Variants in SLC37A2 observed in about 807,000 individuals in gnomAD.
The protein encoded by SLC37A2 is solute carrier family 37 member 2.
SLC37A2 carries 59 observed loss-of-function variants against 70.7 expected under a neutral mutation model. The ratio of observed to expected loss-of-function variants is 0.83; its 90% CI spans 0.68 to 1.04. The LOEUF is 1.04. SLC37A2 is among the 50% of genes least tolerant of loss of function. The pLI, the probability that SLC37A2 is intolerant of heterozygous loss-of-function variation, is 0.00. For synonymous variants in SLC37A2, 257 were observed against 262.1 expected, an observed-to-expected ratio of 0.98 and a Z score of 0.19; for missense variants, 580 against 658.1, an observed-to-expected ratio of 0.88 and a Z score of 1.30.
intron 1 of SLC37A2, among the ~76,000 whole-genome samples, chr11:125,075,394 A>G (rs1432923705): frequency 2.0e-5 from 3 of 152,230 alleles, no homozygotes; most frequent in Non-Finnish European, 4.4e-5. Context: ...CACTTGGAGT[A>G]GCCCCAGCTT....
intron 13 of SLC37A2, 91 bp from the exon 14 acceptor site, chr11:125,084,975 G>C: frequency 1.3e-6 from 2 of 1,593,394 alleles, no homozygotes; most frequent in Non-Finnish European, 1.7e-6. Context: ...GGAGGGGCTG[G>C]GAGGGCTGAA....
intron 1 of SLC37A2, among the ~76,000 whole-genome samples, chr11:125,067,916 A>G (rs2135558672): frequency 6.6e-6 from 1 of 152,344 alleles, no homozygotes; most frequent in South Asian, 2.1e-4. Context: ...ATACAAAGTC[A>G]TACCTCTCTG....
intron 1 of SLC37A2, among the ~76,000 whole-genome samples, chr11:125,069,225 C>G (rs764338537): frequency 2.6e-5 from 4 of 152,218 alleles, no homozygotes; most frequent in Non-Finnish European, 5.9e-5. Flanking sequence ...TGTAATGAGG[C>G]ACAGAGCAGT....
intron 3 of SLC37A2, 61 bp downstream of exon 3, chr11:125,077,384 T>C: frequency 6.3e-7 from 1 of 1,594,620 alleles, no homozygotes; most frequent in South Asian, 1.1e-5. Context: ...GAAGGGGCTG[T>C]CCAGGGAGGG....
rs11603375 is a variant in SLC37A2 at position 125,066,850 on chromosome 11, A to G, written c.59+3424A>G. Among the ~76,000 whole-genome samples, 706 of 152,316 alleles carry G rather than the reference A, an allele frequency of 4.6e-3. 4 individuals are homozygous for G. The highest frequency in any genetic ancestry group is 7.7e-3 in the Non-Finnish European group (523 of 68,014). On this transcript the variant is annotated intron_variant, in intron 1 of 17. Coordinates refer to ENST00000403796, the MANE Select transcript of SLC37A2 (RefSeq NM_001145290.2). Reference sequence around the variant, plus strand: ...AGTAAGCTTAACATAAGTTCTAAATATCTGTATTTTAATAAAACTGCAAAG... The same window carrying G: ...AGTAAGCTTAACATAAGTTCTAAATGTCTGTATTTTAATAAAACTGCAAAG...
In SLC37A2 at chr11:125,080,096, A is replaced by G. The variant is rs7938473; in HGVS notation, c.527+336A>G. On this transcript the variant is annotated intron_variant, in intron 6 of 17. Transcript: ENST00000403796. This position sits in a 1 kb window ranked among gnomAD's most constrained non-coding sequence, Gnocchi z 4.3. ...CAAAACAAAGTTGCTTTGGAGAAGG[A>G]GTTCTCACCCTTGGCACTACTGACT... Among the ~76,000 whole-genome samples the G allele has an allele frequency of 0.65, 98,717 of 152,032 alleles. 33,098 individuals carry two copies. Among genetic ancestry groups the G allele is most frequent in the African/African-American group, 0.81 (33,519 of 41,470 alleles).
In SLC37A2 at chr11:125,063,456, G is replaced by T; in HGVS notation, c.59+30G>T. 1 of 1,595,894 alleles carries T rather than the reference G, an allele frequency of 6.3e-7. No homozygotes were observed. The highest frequency in any genetic ancestry group is 8.5e-7 in the Non-Finnish European group (1 of 1,171,206). ...GCGGGGCAGGGGAGGGAGGCGTGCCGGGACCTCCTGGGCTCGGGGCTTGCA... is the reference window on the plus strand; with the variant it reads ...GCGGGGCAGGGGAGGGAGGCGTGCCTGGACCTCCTGGGCTCGGGGCTTGCA... On this transcript the variant is annotated intron_variant, in intron 1 of 17. Coordinates refer to ENST00000403796, the MANE Select transcript of SLC37A2 (RefSeq NM_001145290.2). The surrounding 1 kb of genome is among the most constrained non-coding windows in gnomAD (Gnocchi z 5.4).
In SLC37A2 at chr11:125,083,680, G is replaced by A. The variant is rs1949173344; in HGVS notation, c.977-135G>A. On this transcript the variant is annotated intron_variant, in intron 10 of 17. Coordinates refer to ENST00000403796, the MANE Select transcript of SLC37A2 (RefSeq NM_001145290.2). This position sits in a 1 kb window ranked among gnomAD's most constrained non-coding sequence, Gnocchi z 4.6. Reference sequence around the variant, plus strand: ...CTCACCCTGTGGCCCTGGCCAGCCTGCTCCACAGGTCCCCAGCTCTTCCTC... The same window carrying A: ...CTCACCCTGTGGCCCTGGCCAGCCTACTCCACAGGTCCCCAGCTCTTCCTC... 1 of 763,888 alleles carries A rather than the reference G, an allele frequency of 1.3e-6. No individual in the cohort carries two copies. The highest frequency in any genetic ancestry group is 2.1e-5 in the Admixed American group (1 of 46,670). 47.3% of individuals were successfully genotyped at this position (763,888 alleles called of 1,614,324 possible). A position where few individuals can be genotyped will look rare whatever the true frequency, so the allele number is the denominator to read the frequency against.
At chr11:125,079,008 C>A in intron 4 of SLC37A2, 104 bp from the exon 5 acceptor site, 1 of 1,475,104 alleles carries the variant, frequency 6.8e-7, no homozygotes, top group Non-Finnish European at 9.4e-7. Flanking sequence ...ATTGGTGGGA[C>A]CTTGGCCAGA....
chr11:125,074,855 G>C (rs1949066724), intron 1 of SLC37A2, among the ~76,000 whole-genome samples: 1 of 152,240 alleles, frequency 6.6e-6, no homozygotes, highest in African/African-American at 2.4e-5. Flanking sequence ...ACACTGAAAG[G>C]ATCTGATTTG....
intron 1 of SLC37A2, among the ~76,000 whole-genome samples, chr11:125,075,137 T>A (rs747341769): frequency 1.3e-5 from 2 of 152,208 alleles, no homozygotes; most frequent in Non-Finnish European, 2.9e-5. Context: ...CACGCAAAGC[T>A]TCCCGCCTCT....
chr11:125,079,510 C>A (rs186975660), intron 5 of SLC37A2, among the ~76,000 whole-genome samples, 174 bp from the exon 6 acceptor site: 11 of 152,258 alleles, frequency 7.2e-5, no homozygotes, highest in African/African-American at 2.6e-4. Context: ...GAGAAGCCAG[C>A]TCATGCCATT....
At chr11:125,085,297 C>T (rs1253201079) in intron 14 of SLC37A2, 98 bp from the exon 15 acceptor site, 1 of 1,353,490 alleles carries the variant, frequency 7.4e-7, no homozygotes, top group African/African-American at 1.4e-5. Flanking sequence ...CAAGCCCAAA[C>T]CCCAGTTACC....
intron 17 of SLC37A2, chr11:125,086,674 G>A (rs965052401): frequency 1.2e-4 from 35 of 285,584 alleles, no homozygotes; most frequent in African/African-American, 7.7e-4. Flanking sequence ...AGCATGGGTG[G>A]CTGGCCTGGT....
chr11:125,068,190 TG>T, intron 1 of SLC37A2, among the ~76,000 whole-genome samples: 1 of 152,334 alleles, frequency 6.6e-6, no homozygotes, highest in South Asian at 2.1e-4. Context: ...AGACCTTGGT[TG>T]AAATCCTTTC....
Position 125,088,192 on chromosome 11 carries a change from A to C in SLC37A2, c.*58A>C. 1.3e-6 allele frequency: 2 copies of C among 1,539,828 alleles called. No homozygotes were observed. Among genetic ancestry groups the C allele is most frequent in the Non-Finnish European group, 1.8e-6 (2 of 1,136,454 alleles). ...CAGTTGGGTCCCCAACGTGCTCCCC[A>C]TGGGCAAGACAATGGAAACTTCCAC... On this transcript the variant is annotated 3_prime_UTR_variant, in exon 18 of 18. Coordinates refer to ENST00000403796, the MANE Select transcript of SLC37A2 (RefSeq NM_001145290.2).
rs1358221514 is a variant in SLC37A2 at position 125,063,882 on chromosome 11, C to T, written c.59+456C>T. 6.6e-6 allele frequency among the ~76,000 whole-genome samples: 1 copy of T among 152,208 alleles called. No homozygotes were observed. Among genetic ancestry groups the T allele is most frequent in the Non-Finnish European group, 1.5e-5 (1 of 68,040 alleles). ...CTTGGTCTCCTTTAGCCCTCGAACA[C>T]CAAGGCCAGAACTCAGTGGTCCTGG... On this transcript the variant is annotated intron_variant, in intron 1 of 17. Transcript: ENST00000403796. This position sits in a 1 kb window ranked among gnomAD's most constrained non-coding sequence, Gnocchi z 5.4.
intron 1 of SLC37A2, among the ~76,000 whole-genome samples, chr11:125,069,626 T>C (rs1219117469): frequency 6.6e-6 from 1 of 152,084 alleles, no homozygotes; most frequent in African/African-American, 2.4e-5. Flanking sequence ...TGAGCAGAGG[T>C]CACAGAGCCA....
At position 125,084,815 on chromosome 11, in the gene SLC37A2, C is replaced by G; in HGVS notation, c.1126-10C>G. Reference sequence around the variant, plus strand: ...CCGGGTGACTCTGCCTCTCCCCTCTCCTCTCTCAGATGTTCCTGTACAACT... The same window carrying G: ...CCGGGTGACTCTGCCTCTCCCCTCTGCTCTCTCAGATGTTCCTGTACAACT... On this transcript the variant is annotated splice_polypyrimidine_tract_variant and intron_variant, in intron 12 of 17. Coordinates refer to ENST00000403796, the MANE Select transcript of SLC37A2 (RefSeq NM_001145290.2). 6.2e-7 allele frequency: 1 copy of G among 1,613,358 alleles called. No homozygotes were observed. Among genetic ancestry groups the G allele is most frequent in the Admixed American group, 1.7e-5 (1 of 59,950 alleles).
Sources: gnomAD v4.1 joint callset for allele counts (sites outside exome capture counted in the v4.1 genomes callset) on GRCh38, gnomAD v4.1.1 for gene constraint, Gnocchi (gnomAD v3.1) non-coding constraint, MANE v1.5 for transcripts, NCBI Gene and HGNC (gene_info 2026-07-23, HGNC 2026-07-21) for gene names.